Variants in APAF1 observed in about 807,000 individuals in gnomAD.
The protein encoded by APAF1 is apoptotic peptidase activating factor 1.
A neutral mutation model predicts 152.4 loss-of-function variants in APAF1; 91 were observed. The observed-to-expected ratio is 0.60, with a 90% CI of 0.50 to 0.71. The LOEUF (loss-of-function observed/expected upper bound fraction) is 0.71. Ranked by LOEUF, APAF1 falls within the 30% of genes least tolerant of loss-of-function variation. The pLI is 0.00. For synonymous variants in APAF1, 484 were observed against 494.1 expected, an observed-to-expected ratio of 0.98 and a Z score of 0.27; for missense variants, 1,283 against 1,472.0, an observed-to-expected ratio of 0.87 and a Z score of 2.10.
intron 13 of APAF1, among the ~76,000 whole-genome samples, chr12:98,679,425 A>G (rs531945868): frequency 1.3e-5 from 2 of 152,338 alleles, no homozygotes; most frequent in East Asian, 1.9e-4. Flanking sequence ...TTATCGCTCA[A>G]TAAAGCTCCT....
chr12:98,733,651 C>G lies in APAF1; in HGVS notation c.*1085C>G, dbSNP rs1331526129. ...GTCTCACTATGTTGTCTAGGCTGGT[C>G]TTGAACTCTTGGCCTCAAGTAATCC... On this transcript the variant is annotated 3_prime_UTR_variant, in exon 27 of 27. Transcript: ENST00000551964. 1 of 152,308 alleles carries G rather than the reference C, an allele frequency of 6.6e-6. No homozygotes were observed. The highest frequency in any genetic ancestry group is 2.4e-5 in the African/African-American group (1 of 41,436). 9.4% of individuals were successfully genotyped at this position (152,308 alleles called of 1,614,324 possible).
At chr12:98,656,560 A>G (rs762980809) in intron 4 of APAF1, among the ~76,000 whole-genome samples, 12 of 152,204 alleles carry the variant, frequency 7.9e-5, no homozygotes, top group Non-Finnish European at 1.6e-4. Flanking sequence ...TGCAGTCACT[A>G]TTCAGTACAT....
intron 16 of APAF1, among the ~76,000 whole-genome samples, chr12:98,698,604 A>G (rs1160982531): frequency 6.6e-6 from 1 of 152,190 alleles, no homozygotes; most frequent in African/African-American, 2.4e-5. Flanking sequence ...GTACCTGGCC[A>G]GAAAAATTAG....
At chr12:98,670,554 G>C (rs11109568) in intron 10 of APAF1, among the ~76,000 whole-genome samples, 18,577 of 151,816 alleles carry the variant, frequency 0.12, 1,210 homozygotes, top group East Asian at 0.26. Flanking sequence ...CTTTGGTCTT[G>C]AGTTTAATTT....
intron 21 of APAF1, chr12:98,712,760 G>A (rs780929796): frequency 1.4e-5 from 4 of 281,822 alleles, no homozygotes; most frequent in Non-Finnish European, 2.7e-5. Context: ...GCGATTGTCC[G>A]GCCTCAGCCT....
chr12:98,735,283 T>A lies in APAF1; in HGVS notation c.*2717T>A, dbSNP rs1023326440. On this transcript the variant is annotated 3_prime_UTR_variant, in exon 27 of 27. Transcript: ENST00000551964. ...ATTACATTGGACTTCATATATATAATTTTTTTTTACATTATATGTCTCTTG... is the reference window on the plus strand; with the variant it reads ...ATTACATTGGACTTCATATATATAAATTTTTTTTACATTATATGTCTCTTG... 1.8e-5 allele frequency: 7 copies of A among 392,692 alleles called. No individual in the cohort carries two copies. Among genetic ancestry groups the A allele is most frequent in the African/African-American group, 1.0e-4 (5 of 48,436 alleles). 24.3% of individuals were successfully genotyped at this position (392,692 alleles called of 1,614,324 possible). A position where few individuals can be genotyped will look rare whatever the true frequency, so the allele number is the denominator to read the frequency against.
At chr12:98,684,145 C>G (rs965725307) in intron 15 of APAF1, among the ~76,000 whole-genome samples, 2 of 152,096 alleles carry the variant, frequency 1.3e-5, no homozygotes, top group African/African-American at 4.8e-5. Context: ...ACTTCATAGA[C>G]TCTATGTTTT....
At chr12:98,722,229 G>A (rs1195749785) in intron 22 of APAF1, among the ~76,000 whole-genome samples, 1 of 152,162 alleles carries the variant, frequency 6.6e-6, no homozygotes, top group Non-Finnish European at 1.5e-5. Flanking sequence ...TACTTTGAAT[G>A]TGCTATCTCC....
chr12:98,706,048 A>T (rs375797968), intron 18 of APAF1, among the ~76,000 whole-genome samples: 12 of 152,310 alleles, frequency 7.9e-5, no homozygotes, highest in African/African-American at 2.4e-4. Context: ...ATCTATATGC[A>T]TATATATCCA....
intron 16 of APAF1, among the ~76,000 whole-genome samples, chr12:98,689,619 C>G (rs2097702081): frequency 6.6e-6 from 1 of 152,054 alleles, no homozygotes; most frequent in African/African-American, 2.4e-5. Flanking sequence ...GTGACAATGC[C>G]TAGCTAATTT....
rs768781275 is a variant in APAF1, at chr12:98,666,370, T to C, written c.1362+13T>C. 1 of 1,606,760 alleles carries C rather than the reference T, an allele frequency of 6.2e-7. No individual in the cohort carries two copies. Among genetic ancestry groups the C allele is most frequent in the Non-Finnish European group, 8.5e-7 (1 of 1,178,068 alleles). The stretch of plus-strand genomic sequence containing the variant: ...CAGCCAGCTTCAGGTACTTGCATCT[T>C]GGTTTACTTTTTTTTTTCCTTTTTC... On this transcript the variant is annotated intron_variant, in intron 9 of 26. Transcript: ENST00000551964.
At chr12:98,708,815 G>T in intron 20 of APAF1, 111 bp downstream of exon 20, 1 of 1,021,484 alleles carries the variant, frequency 9.8e-7, no homozygotes. Context: ...TATCTAACAG[G>T]TGTCCAGCAG....
intron 5 of APAF1, 40 bp downstream of exon 5, chr12:98,659,383 G>A: frequency 6.3e-7 from 1 of 1,596,426 alleles, no homozygotes; most frequent in Non-Finnish European, 8.6e-7. Flanking sequence ...CAGGTCCCAT[G>A]TCCCAATAAG....
chr12:98,671,820 C>A, intron 12 of APAF1, 101 bp downstream of exon 12: 1 of 1,146,178 alleles, frequency 8.7e-7, no homozygotes, highest in Non-Finnish European at 1.3e-6. Context: ...TAACTACTTT[C>A]GAAAGGGCTG....
chr12:98,706,042 A>G (rs1013109540), intron 18 of APAF1, among the ~76,000 whole-genome samples: 3 of 152,138 alleles, frequency 2.0e-5, no homozygotes, highest in Non-Finnish European at 4.4e-5. Context: ...GCAGATATCT[A>G]TATGCATATA....
intron 26 of APAF1, 73 bp from the exon 27 acceptor site, chr12:98,732,347 G>T: frequency 7.3e-7 from 1 of 1,369,676 alleles, no homozygotes; most frequent in Non-Finnish European, 1.0e-6. Flanking sequence ...TAGGGTAAAG[G>T]ATCTGCTGGC....
At chr12:98,728,490 C>T (rs1166269208) in intron 26 of APAF1, among the ~76,000 whole-genome samples, 4 of 152,068 alleles carry the variant, frequency 2.6e-5, no homozygotes, top group African/African-American at 4.8e-5. Context: ...GAGGCCAAGG[C>T]GGGCAGATCA....
intron 22 of APAF1, among the ~76,000 whole-genome samples, chr12:98,718,277 G>C (rs2097737334): frequency 6.6e-6 from 1 of 151,506 alleles, no homozygotes; most frequent in African/African-American, 2.4e-5. Flanking sequence ...CTATTGCCTA[G>C]GCCGGAGTGC....
At chr12:98,647,402 T>A (rs1164185229) in intron 1 of APAF1, among the ~76,000 whole-genome samples, 1 of 151,932 alleles carries the variant, frequency 6.6e-6, no homozygotes, top group African/African-American at 2.4e-5. Flanking sequence ...AGACAGAGTC[T>A]CAGTCTGTCG....
Sources: allele counts gnomAD v4.1 joint callset (sites outside exome capture counted in the v4.1 genomes callset), GRCh38; gene constraint gnomAD v4.1.1; transcripts MANE v1.5; gene names NCBI Gene and HGNC (gene_info 2026-07-23, HGNC 2026-07-21).